The following PPP1R9A variants were observed in gnomAD, a reference collection of about 807,000 sequenced individuals.
PPP1R9A encodes the protein protein phosphatase 1 regulatory subunit 9A, also known as neurabin-1.
Under a neutral mutation model 141.9 loss-of-function variants are expected in PPP1R9A, and 59 were observed. That is an observed-to-expected ratio of 0.42 (90% CI 0.34 to 0.52). PPP1R9A has a LOEUF of 0.52. PPP1R9A is among the 20% of genes least tolerant of loss of function. The pLI is 0.10. For missense variants in PPP1R9A, 1,444 were observed against 1,611.9 expected (o/e 0.90, Z 1.78); for synonymous variants, 500 against 569.7 (o/e 0.88, Z 1.74).
intron 5 of PPP1R9A, among the ~76,000 whole-genome samples, chr7:95,197,413 T>C (rs928913926): frequency 2.0e-5 from 3 of 152,158 alleles, no homozygotes; most frequent in Admixed American, 6.5e-5. Flanking sequence ...CTTACTTGTT[T>C]TTCTCTTTAG....
At chr7:95,164,244 G>A (rs912869853) in intron 5 of PPP1R9A, among the ~76,000 whole-genome samples, 3 of 152,164 alleles carry the variant, frequency 2.0e-5, no homozygotes, top group Non-Finnish European at 4.4e-5. Context: ...TTTGTTGTCA[G>A]TGTTTTGGAT....
At chr7:94,989,716 A>T (rs1242496921) in intron 2 of PPP1R9A, among the ~76,000 whole-genome samples, 1 of 152,140 alleles carries the variant, frequency 6.6e-6, no homozygotes, top group African/African-American at 2.4e-5. Context: ...TGTAACAGAC[A>T]AAATATTTAG....
intron 2 of PPP1R9A, among the ~76,000 whole-genome samples, chr7:95,093,231 A>G (rs1207966315): frequency 1.3e-5 from 2 of 152,192 alleles, no homozygotes; most frequent in African/African-American, 4.8e-5. Flanking sequence ...CTATATTTTA[A>G]TCAGCAAATC....
chr7:95,026,123 C>G (rs575568582), intron 2 of PPP1R9A, among the ~76,000 whole-genome samples: 10 of 152,148 alleles, frequency 6.6e-5, no homozygotes, highest in Non-Finnish European at 1.5e-4. Flanking sequence ...TTCTTGCTGG[C>G]AAGGAGTTGT....
chr7:95,153,398 A>C (rs555887814), intron 4 of PPP1R9A, among the ~76,000 whole-genome samples: 6 of 152,282 alleles, frequency 3.9e-5, no homozygotes, highest in Non-Finnish European at 7.4e-5. Context: ...GTTCAGTCAA[A>C]CAGTTTTACT....
chr7:95,128,733 C>A (rs1218740935), intron 4 of PPP1R9A, among the ~76,000 whole-genome samples: 2 of 152,058 alleles, frequency 1.3e-5, no homozygotes, highest in African/African-American at 2.4e-5. Flanking sequence ...CGTGCCACCA[C>A]GCCTGGCTAA....
At position 95,242,091 on chromosome 7, in the gene PPP1R9A, C is replaced by T. The variant is rs78152523; in HGVS notation, c.2113-5382C>T. 8.5e-5 allele frequency among the ~76,000 whole-genome samples: 13 copies of T among 152,198 alleles called. No homozygotes were observed. In the East Asian group the frequency reaches 2.3e-3, roughly 27 times the overall value. ...CATGATTCCCTAAGTAAAACACTTT[C>T]GTTAATACTGGATAGATACCATATG... is the stretch of plus-strand genomic sequence containing the variant. On this transcript the variant is annotated intron_variant, in intron 8 of 19. Transcript: ENST00000433360.
In PPP1R9A at chr7:95,018,268, C is replaced by A. The variant is rs117467540; in HGVS notation, c.1396-92991C>A. 3.5e-3 allele frequency: 818 copies of A among 230,810 alleles called. 5 individuals carry two copies. Among genetic ancestry groups the A allele is most frequent in the Non-Finnish European group, 5.7e-3 (573 of 101,116 alleles). 14.3% of individuals were successfully genotyped at this position (230,810 alleles called of 1,614,324 possible). A position where few individuals can be genotyped will look rare whatever the true frequency, so the allele number is the denominator to read the frequency against. On this transcript the variant is annotated intron_variant, in intron 2 of 19. Coordinates refer to ENST00000433360, the MANE Select transcript of PPP1R9A (RefSeq NM_001166160.2). ...TTCACCACCCATTCATTCAGTAACC[C>A]TTACTCAGGCCCAGATGAGCAGCAC...
intron 8 of PPP1R9A, among the ~76,000 whole-genome samples, chr7:95,234,616 C>T (rs1249342870): frequency 2.0e-5 from 3 of 152,044 alleles, no homozygotes; most frequent in African/African-American, 7.2e-5. Context: ...AAGCAATCTA[C>T]AAATTCCTTG....
intron 2 of PPP1R9A, among the ~76,000 whole-genome samples, chr7:94,966,308 A>C (rs937659769): frequency 1.3e-5 from 2 of 152,084 alleles, no homozygotes; most frequent in African/African-American, 2.4e-5. Flanking sequence ...TTCCTGTGTG[A>C]ATACCTTTAT....
intron 4 of PPP1R9A, among the ~76,000 whole-genome samples, chr7:95,133,089 T>C (rs1824956129): frequency 6.6e-6 from 1 of 152,120 alleles, no homozygotes; most frequent in Admixed American, 6.5e-5. Context: ...GAAGGAGATC[T>C]CTCAGCAGAG....
intron 2 of PPP1R9A, among the ~76,000 whole-genome samples, chr7:94,990,579 G>A (rs190159064): frequency 6.6e-6 from 1 of 151,948 alleles, no homozygotes; most frequent in East Asian, 1.9e-4. Flanking sequence ...CCTCTTTCTA[G>A]CTATATGAAA....
At chr7:95,112,501 G>T (rs1313092613) in intron 3 of PPP1R9A, among the ~76,000 whole-genome samples, 1 of 152,056 alleles carries the variant, frequency 6.6e-6, no homozygotes, top group Non-Finnish European at 1.5e-5. Context: ...ACAGTGTGGA[G>T]ATTTCTCAAA....
chr7:94,953,051 A>T (rs1796657094), intron 2 of PPP1R9A, among the ~76,000 whole-genome samples: 1 of 152,058 alleles, frequency 6.6e-6, no homozygotes. Flanking sequence ...GTCCTGAATC[A>T]TATTGCCTTG....
intron 2 of PPP1R9A, among the ~76,000 whole-genome samples, chr7:95,072,716 ATATGTATATT>A (rs1563196706): frequency 1.8e-5 from 2 of 112,150 alleles, no homozygotes; most frequent in African/African-American, 7.2e-5. Context: ...ATAATATATT[ATATGTATATT>A]TATTACATAT....
intron 16 of PPP1R9A, among the ~76,000 whole-genome samples, chr7:95,283,051 G>A (rs1274469542): frequency 6.6e-6 from 1 of 152,152 alleles, no homozygotes; most frequent in South Asian, 2.1e-4. Flanking sequence ...CTGTGTTATC[G>A]TGGTATCAGC....
chr7:95,123,680 A>T (rs1274416183), intron 4 of PPP1R9A, among the ~76,000 whole-genome samples: 2 of 151,970 alleles, frequency 1.3e-5, no homozygotes, highest in Non-Finnish European at 2.9e-5. Context: ...ACTTCATGTG[A>T]TGTAATGGAT....
intron 18 of PPP1R9A, 59 bp from the exon 19 acceptor site, chr7:95,288,477 A>T: frequency 6.4e-7 from 1 of 1,563,522 alleles, no homozygotes. Flanking sequence ...TTTTGATAGC[A>T]TAATATGAGC....
At chr7:95,141,164 A>T (rs564573954) in intron 4 of PPP1R9A, among the ~76,000 whole-genome samples, 2 of 152,326 alleles carry the variant, frequency 1.3e-5, no homozygotes, top group South Asian at 2.1e-4. Flanking sequence ...GACAGATAAT[A>T]AAAAAATTTA....
Sources: allele counts gnomAD v4.1 joint callset (sites outside exome capture counted in the v4.1 genomes callset), GRCh38; gene constraint gnomAD v4.1.1; transcripts MANE v1.5; gene names NCBI Gene and HGNC (gene_info 2026-07-23, HGNC 2026-07-21).